The following GPHN variants were observed in gnomAD, a reference collection of about 807,000 sequenced individuals.
The protein encoded by GPHN is gephyrin.
In GPHN, 17 loss-of-function variants were observed where a neutral mutation model predicts 95.5. The ratio of observed to expected loss-of-function variants is 0.18; its 90% CI spans 0.12 to 0.27. The LOEUF is 0.27. Among genes scored for constraint, GPHN ranks in the 10% least tolerant of loss-of-function variants. The probability of loss-of-function intolerance (pLI) is 1.00; values close to 1 mark genes in which losing one functional copy is unlikely to be tolerated. For missense variants in GPHN, 660 were observed against 978.1 expected, an observed-to-expected ratio of 0.67 and a Z score of 4.34; for synonymous variants, 320 against 322.5, an observed-to-expected ratio of 0.99 and a Z score of 0.08.
At chr14:67,442,491 G>C in the GPHN span, among the ~76,000 whole-genome samples, 1 of 152,174 alleles carries the variant, frequency 6.6e-6, no homozygotes, top group African/African-American at 2.4e-5. Context: ...GCAGGCCTAA[G>C]ATAAGGAACA....
At chr14:67,386,992 A>G in the GPHN span, 1 of 176,086 alleles carries the variant, frequency 5.7e-6, no homozygotes, top group Non-Finnish European at 1.2e-5. Flanking sequence ...CCTCATAAGA[A>G]GAGAGTTTTA....
At chr14:66,578,657 A>C (rs1595058216) in intron 1 of GPHN, among the ~76,000 whole-genome samples, 1 of 149,634 alleles carries the variant, frequency 6.7e-6, no homozygotes, top group Non-Finnish European at 1.5e-5. Flanking sequence ...ATAGAGTGAA[A>C]AAAAAAAAAA....
the GPHN span, chr14:67,586,784 TA>T: frequency 7.3e-7 from 1 of 1,369,040 alleles, no homozygotes; most frequent in African/African-American, 1.5e-5. Flanking sequence ...ATCCCTTTCT[TA>T]AGAAGGCCCC....
At chr14:66,733,812 T>A (rs991899043) in intron 2 of GPHN, among the ~76,000 whole-genome samples, 1 of 152,200 alleles carries the variant, frequency 6.6e-6, no homozygotes. Flanking sequence ...ATCTATTAAG[T>A]CTCATGCACA....
the GPHN span, chr14:67,678,388 C>A: frequency 6.2e-7 from 1 of 1,613,954 alleles, no homozygotes; most frequent in East Asian, 2.2e-5. Flanking sequence ...AGTCTCATTA[C>A]GAGCTTGGGC....
intron 1 of GPHN, among the ~76,000 whole-genome samples, chr14:66,524,554 T>G (rs1054406644): frequency 6.6e-6 from 1 of 152,122 alleles, no homozygotes; most frequent in Non-Finnish European, 1.5e-5. Flanking sequence ...ACATGCAGGT[T>G]TGTTACATAG....
chr14:66,837,604 TAAATAAATAA>T (rs1435169943), intron 4 of GPHN, among the ~76,000 whole-genome samples: 5 of 135,754 alleles, frequency 3.7e-5, no homozygotes, highest in African/African-American at 1.5e-4. Flanking sequence ...TAAAAATAAA[TAAATAAATAA>T]AAATAAATAA....
At chr14:67,409,189 G>A in the GPHN span, among the ~76,000 whole-genome samples, 1 of 152,130 alleles carries the variant, frequency 6.6e-6, no homozygotes, top group Non-Finnish European at 1.5e-5. Flanking sequence ...GCTGCAGTGA[G>A]CCTTGCTGAT....
At chr14:67,561,717 G>A in the GPHN span, among the ~76,000 whole-genome samples, 4 of 150,942 alleles carry the variant, frequency 2.7e-5, no homozygotes, top group East Asian at 3.9e-4. Context: ...AAAAATAAAC[G>A]AAATTAACTG....
At chr14:66,838,112 A>G (rs186839216) in intron 4 of GPHN, among the ~76,000 whole-genome samples, 21 of 152,248 alleles carry the variant, frequency 1.4e-4, no homozygotes, top group Non-Finnish European at 2.6e-4. Flanking sequence ...TTGGGTTTGA[A>G]TCTTAGATCC....
At chr14:67,046,366 C>G (rs931972518) in intron 10 of GPHN, among the ~76,000 whole-genome samples, 7 of 152,096 alleles carry the variant, frequency 4.6e-5, no homozygotes, top group Non-Finnish European at 1.0e-4. Flanking sequence ...TAGGCAGAAA[C>G]AGCATCATAT....
the GPHN span, among the ~76,000 whole-genome samples, chr14:67,417,574 T>C: frequency 4.0e-5 from 6 of 151,128 alleles, no homozygotes; most frequent in African/African-American, 1.5e-4. Flanking sequence ...TGAGACTATA[T>C]GCATGCACCA....
the GPHN span, among the ~76,000 whole-genome samples, chr14:67,430,689 G>A: frequency 1.3e-5 from 2 of 152,090 alleles, no homozygotes; most frequent in Non-Finnish European, 2.9e-5. Flanking sequence ...AGTGACCGGT[G>A]CAATATCAGG....
chr14:66,747,056 C>T (rs1566899701), intron 2 of GPHN, among the ~76,000 whole-genome samples: 1 of 152,184 alleles, frequency 6.6e-6, no homozygotes. Flanking sequence ...ACCTCACTCA[C>T]ACCACATAGT....
At chr14:66,754,031 C>T (rs529831198) in intron 2 of GPHN, among the ~76,000 whole-genome samples, 2 of 152,132 alleles carry the variant, frequency 1.3e-5, no homozygotes, top group African/African-American at 4.8e-5. Context: ...TATATTGAAG[C>T]ATGTTTTAGT....
chr14:66,817,557 T>A (rs1257510979), intron 3 of GPHN, among the ~76,000 whole-genome samples: 1 of 152,210 alleles, frequency 6.6e-6, no homozygotes, highest in Admixed American at 6.5e-5. Context: ...TATAGTGATT[T>A]GTTATTTTTC....
the GPHN span, among the ~76,000 whole-genome samples, chr14:67,371,898 C>T: frequency 6.6e-6 from 1 of 152,040 alleles, no homozygotes; most frequent in East Asian, 1.9e-4. Flanking sequence ...TTTTCAAATC[C>T]AACAATGTAT....
At chr14:67,691,131 A>G in the GPHN span, 5 of 1,602,550 alleles carry the variant, frequency 3.1e-6, no homozygotes, top group South Asian at 2.2e-5. Context: ...ATAAGGCCAG[A>G]TTTCTTACCC....
the GPHN span, chr14:67,589,738 C>T: frequency 9.8e-7 from 1 of 1,015,316 alleles, no homozygotes; most frequent in Non-Finnish European, 1.2e-6. Context: ...GTCAGTTTCC[C>T]ATTGTTTTGC....
Sources: gnomAD v4.1 joint callset for allele counts (sites outside exome capture counted in the v4.1 genomes callset) on GRCh38, gnomAD v4.1.1 for gene constraint, MANE v1.5 for transcripts, NCBI Gene and HGNC (gene_info 2026-07-23, HGNC 2026-07-21) for gene names.